MALRD1: variants seen among roughly 807,000 people sequenced by gnomAD.
MALRD1 encodes the protein MAM and LDL receptor class A domain containing 1.
Under a neutral mutation model 242.1 loss-of-function variants are expected in MALRD1, and 247 were observed. That is an observed-to-expected ratio of 1.02 (90% CI 0.92 to 1.13). The LOEUF is 1.13. MALRD1 is among the 50% of genes most tolerant of loss of function. The probability of loss-of-function intolerance (pLI) is 0.00; values close to 1 mark genes in which losing one functional copy is unlikely to be tolerated. For synonymous variants in MALRD1, 995 were observed against 866.6 expected (o/e 1.15, Z -2.60); for missense variants, 2,989 against 2,533.1 (o/e 1.18, Z -3.86).
intron 21 of MALRD1, among the ~76,000 whole-genome samples, chr10:19,313,745 A>G (rs1355050102): frequency 6.6e-6 from 1 of 151,480 alleles, no homozygotes; most frequent in Non-Finnish European, 1.5e-5. Flanking sequence ...AATTTCTTAG[A>G]CTTTTTTATT....
At chr10:19,070,409 T>C (rs538758791) in intron 2 of MALRD1, among the ~76,000 whole-genome samples, 1 of 152,096 alleles carries the variant, frequency 6.6e-6, no homozygotes, top group Non-Finnish European at 1.5e-5. Context: ...AAAAATAGAG[T>C]GGTTGTGTCC....
At chr10:19,521,629 A>C (rs2131318433) in intron 31 of MALRD1, among the ~76,000 whole-genome samples, 1 of 152,278 alleles carries the variant, frequency 6.6e-6, no homozygotes, top group Admixed American at 6.5e-5. Context: ...ATATTTTAGA[A>C]GATTCAGTCT....
At chr10:19,628,412 T>C (rs1431073075) in intron 36 of MALRD1, among the ~76,000 whole-genome samples, 1 of 152,162 alleles carries the variant, frequency 6.6e-6, no homozygotes, top group Non-Finnish European at 1.5e-5. Context: ...ATGTTCCAAA[T>C]AGTGTCATGG....
intron 12 of MALRD1, 132 bp downstream of exon 12, chr10:19,155,304 A>G (rs976769250): frequency 3.1e-5 from 13 of 420,556 alleles, no homozygotes; most frequent in East Asian, 1.1e-4. Context: ...TACATGCGCT[A>G]TTTCAACACA....
chr10:19,552,530 G>A (rs1835527197), intron 32 of MALRD1, among the ~76,000 whole-genome samples: 1 of 151,560 alleles, frequency 6.6e-6, no homozygotes, highest in Non-Finnish European at 1.5e-5. Context: ...CCAGCGCCTG[G>A]ATTTGTTGAT....
At chr10:19,507,081 G>C (rs1833175841) in intron 31 of MALRD1, among the ~76,000 whole-genome samples, 1 of 151,992 alleles carries the variant, frequency 6.6e-6, no homozygotes, top group Non-Finnish European at 1.5e-5. Context: ...GTGGCAGGGA[G>C]AGGAGGTGCC....
intron 11 of MALRD1, among the ~76,000 whole-genome samples, chr10:19,151,590 G>T (rs984691904): frequency 1.3e-5 from 2 of 152,104 alleles, no homozygotes; most frequent in Non-Finnish European, 2.9e-5. Flanking sequence ...GTAGCTGCTA[G>T]ACTTGTCTTA....
intron 11 of MALRD1, among the ~76,000 whole-genome samples, chr10:19,149,208 C>G (rs1833848200): frequency 6.6e-6 from 1 of 152,000 alleles, no homozygotes; most frequent in African/African-American, 2.4e-5. Context: ...CTCCACCTCC[C>G]AGGTTCAAGC....
At chr10:19,157,232 A>AT (rs1834190750) in intron 12 of MALRD1, among the ~76,000 whole-genome samples, 1 of 150,972 alleles carries the variant, frequency 6.6e-6, no homozygotes, top group East Asian at 1.9e-4. Flanking sequence ...TTTTTTAATA[A>AT]GTTTGTGGCA....
chr10:19,341,332 T>C (rs112307171), intron 24 of MALRD1, among the ~76,000 whole-genome samples: 1,719 of 151,640 alleles, frequency 0.011, 30 homozygotes, highest in African/African-American at 0.039. Flanking sequence ...CTTGGGATAA[T>C]GAAGTGAACA....
intron 21 of MALRD1, among the ~76,000 whole-genome samples, chr10:19,284,242 A>G (rs1163050484): frequency 1.4e-5 from 2 of 138,794 alleles, no homozygotes; most frequent in Non-Finnish European, 3.2e-5. Flanking sequence ...TGTATTTTAC[A>G]TACCAACTTT....
chr10:19,056,532 C>T (rs1306547156), intron 1 of MALRD1, among the ~76,000 whole-genome samples: 2 of 151,462 alleles, frequency 1.3e-5, no homozygotes, highest in Non-Finnish European at 2.9e-5. Flanking sequence ...TTGTATGTTG[C>T]TTTTGTATCC....
chr10:19,316,800 AGGT>A (rs1244114790), intron 21 of MALRD1, among the ~76,000 whole-genome samples: 1 of 151,846 alleles, frequency 6.6e-6, no homozygotes, highest in Non-Finnish European at 1.5e-5. Context: ...AGCAAGGCAG[AGGT>A]GGGGATAGTT....
At chr10:19,447,067 C>T (rs1342017142) in intron 28 of MALRD1, among the ~76,000 whole-genome samples, 1 of 77,430 alleles carries the variant, frequency 1.3e-5, no homozygotes, top group Non-Finnish European at 2.6e-5. Flanking sequence ...CACACATACA[C>T]AGACACACAC....
At position 19,730,689 on chromosome 10, in the gene MALRD1, G is replaced by C. The variant is rs1233153968; in HGVS notation, c.6315-17G>C. ...TGTCAATAGTTTTTTATTTTTGATGGCCCTGTGTGCTTTAAGGAAAACCGA... is the reference window on the plus strand; with the variant it reads ...TGTCAATAGTTTTTTATTTTTGATGCCCCTGTGTGCTTTAAGGAAAACCGA... On this transcript the variant is annotated splice_polypyrimidine_tract_variant and intron_variant, in intron 38 of 39. Transcript: ENST00000454679. 1 of 1,536,034 alleles carries C rather than the reference G, an allele frequency of 6.5e-7. No homozygotes were observed. Among genetic ancestry groups the C allele is most frequent in the East Asian group, 2.4e-5 (1 of 40,882 alleles).
intron 39 of MALRD1, 72 bp from the exon 40 acceptor site, chr10:19,734,085 C>T (rs1323537237): frequency 3.5e-5 from 42 of 1,194,708 alleles, no homozygotes; most frequent in Non-Finnish European, 4.6e-5. Context: ...CTGCATTCTG[C>T]GTGATCTTTA....
chr10:19,248,391 G>GAA (rs35675203), intron 18 of MALRD1, among the ~76,000 whole-genome samples: 2 of 137,566 alleles, frequency 1.5e-5, no homozygotes, highest in Non-Finnish European at 1.6e-5. Context: ...AAGGTGCCAT[G>GAA]AAAAAAAAAA....
At chr10:19,073,432 A>T (rs1232566474) in intron 2 of MALRD1, among the ~76,000 whole-genome samples, 1 of 152,134 alleles carries the variant, frequency 6.6e-6, no homozygotes, top group African/African-American at 2.4e-5. Flanking sequence ...CTTATCCAAA[A>T]ATCTGAAATC....
intron 31 of MALRD1, among the ~76,000 whole-genome samples, chr10:19,521,121 A>G (rs1833862262): frequency 6.6e-6 from 1 of 152,024 alleles, no homozygotes. Context: ...GCATGATTAG[A>G]CTCTGAATAT....
Sources: gnomAD v4.1 joint callset for allele counts (sites outside exome capture counted in the v4.1 genomes callset) on GRCh38, gnomAD v4.1.1 for gene constraint, MANE v1.5 for transcripts, NCBI Gene and HGNC (gene_info 2026-07-23, HGNC 2026-07-21) for gene names.